DUOXA1: variants seen among roughly 807,000 people sequenced by gnomAD.
DUOXA1 encodes dual oxidase maturation factor 1.
DUOXA1 carries 19 observed loss-of-function variants against 26.6 expected under a neutral mutation model. The ratio of observed to expected loss-of-function variants is 0.71; its 90% CI spans 0.50 to 1.05. The LOEUF is 1.05. DUOXA1 is among the 50% of genes least tolerant of loss of function. The pLI, the probability that DUOXA1 is intolerant of heterozygous loss-of-function variation, is 0.00. For synonymous variants in DUOXA1, 166 were observed against 177.0 expected, an observed-to-expected ratio of 0.94 and a Z score of 0.49; for missense variants, 403 against 427.5, an observed-to-expected ratio of 0.94 and a Z score of 0.51.
intron 3 of DUOXA1, among the ~76,000 whole-genome samples, chr15:45,127,082 T>G (rs1013736126): frequency 6.6e-6 from 1 of 152,010 alleles, no homozygotes; most frequent in African/African-American, 2.4e-5. Flanking sequence ...TAAGAATTCT[T>G]TATTTATGAC....
chr15:45,127,720 T>C (rs1895787272), intron 3 of DUOXA1, among the ~76,000 whole-genome samples: 1 of 152,218 alleles, frequency 6.6e-6, no homozygotes, highest in Non-Finnish European at 1.5e-5. Flanking sequence ...CATCTTTCTT[T>C]CTGGCTCGTC....
At chr15:45,124,332 T>C (rs1318469408) in intron 3 of DUOXA1, among the ~76,000 whole-genome samples, 2 of 152,144 alleles carry the variant, frequency 1.3e-5, no homozygotes, top group Non-Finnish European at 2.9e-5. Flanking sequence ...GAGCATGAAA[T>C]GAGATTGTGT....
intron 5 of DUOXA1, among the ~76,000 whole-genome samples, chr15:45,121,824 G>A (rs768120255): frequency 1.3e-5 from 2 of 152,150 alleles, no homozygotes; most frequent in African/African-American, 4.8e-5. Context: ...GCCTCACGGA[G>A]ACTTTCATCT....
At position 45,119,198 on chromosome 15, in the gene DUOXA1, G is replaced by T. The variant is rs199855983; in HGVS notation, c.940C>A (p.Pro314Thr). The change falls in exon 9 of 9, where the codon CCC (proline) becomes ACC (threonine). Residue 314 changes from proline (P) to threonine (T), a missense_variant. Transcript: ENST00000560572. ...GACAGGGGAATGTCCTGGGACTTGG[G>T]ACTGTCAGCCATGGACCGGTAGCGG... ...SPRYRSMADSPKSQDIPLSEA... is the reference protein window; with the variant it reads ...SPRYRSMADSTKSQDIPLSEA... 1.1e-4 allele frequency: 184 copies of T among 1,613,916 alleles called. No individual in the cohort carries two copies. Among genetic ancestry groups the T allele is most frequent in the Admixed American group, 3.0e-4 (18 of 60,002 alleles).
intron 6 of DUOXA1, 112 bp downstream of exon 6, chr15:45,120,975 A>G: frequency 6.4e-7 from 1 of 1,551,032 alleles, no homozygotes; most frequent in Non-Finnish European, 8.7e-7. Flanking sequence ...CCCACCTCAC[A>G]CATCCTCCCA....
At chr15:45,120,858 C>T (rs976672292) in intron 6 of DUOXA1, 53 bp from the exon 7 acceptor site, 1 of 1,591,970 alleles carries the variant, frequency 6.3e-7, no homozygotes, top group East Asian at 2.2e-5. Flanking sequence ...AGAGTGGGGC[C>T]TAGGTAGGGA....
rs775842073 is a variant in DUOXA1, at chr15:45,118,714, C to T, written c.*392G>A. The stretch of plus-strand genomic sequence containing the variant: ...CAGGAAAAAGGAAAACAAGAGGTGC[C>T]GAGGGATGAGAGGAAACCATAGGAG... On this transcript the variant is annotated 3_prime_UTR_variant, in exon 9 of 9. Transcript: ENST00000560572. The T allele has an allele frequency of 2.5e-4, 250 of 1,000,394 alleles. No individual in the cohort carries two copies. Among genetic ancestry groups the T allele is most frequent in the South Asian group, 9.3e-4 (20 of 21,512 alleles). 62.0% of individuals were successfully genotyped at this position (1,000,394 alleles called of 1,614,324 possible). A position where few individuals can be genotyped will look rare whatever the true frequency, so the allele number is the denominator to read the frequency against.
At chr15:45,119,592 G>A (rs1894952287) in intron 8 of DUOXA1, among the ~76,000 whole-genome samples, 1 of 152,026 alleles carries the variant, frequency 6.6e-6, no homozygotes. Context: ...TCCCGGGAGA[G>A]AGAGAGAGAG....
chr15:45,125,407 C>A (rs145307577), intron 3 of DUOXA1, among the ~76,000 whole-genome samples: 14 of 152,224 alleles, frequency 9.2e-5, no homozygotes, highest in African/African-American at 3.4e-4. Flanking sequence ...AAAAAAAGAA[C>A]CTTCTCCCTT....
At position 45,117,572 on chromosome 15, in the gene DUOXA1, G is replaced by A. The variant is rs755127271; in HGVS notation, c.*1534C>T. On this transcript the variant is annotated 3_prime_UTR_variant, in exon 9 of 9. Transcript: ENST00000560572. ...AAGGGGTAGGCTCCAAAAGATGGAA[G>A]AAGGCCCGGGCATCACGCCTGTAAT... 5 of 1,600,310 alleles carry A rather than the reference G, an allele frequency of 3.1e-6. No individual in the cohort carries two copies. Among genetic ancestry groups the A allele is most frequent in the Admixed American group, 1.7e-5 (1 of 57,902 alleles).
rs781321374 is a variant in DUOXA1 at position 45,122,211 on chromosome 15, C to G, written c.179G>C (p.Ser60Thr). The G allele has an allele frequency of 6.2e-6, 10 of 1,605,270 alleles. No homozygotes were observed. The highest frequency in any genetic ancestry group is 2.2e-5 in the East Asian group (1 of 44,722). ...RLFWLLRVVT[S>T]LFIGAAILAV... ...CAGGATTGCAGCCCCGATGAATAAG[C>G]TGGTCACCACCCGAAGCAGCCAGAA... The change falls in exon 5 of 9, where the codon AGC becomes ACC. Residue 60 changes from serine to threonine, a missense_variant. Ser to Thr is a moderately conservative substitution (Grantham distance 58, BLOSUM62 1). Coordinates refer to ENST00000560572, the MANE Select transcript of DUOXA1 (RefSeq NM_001276266.2).
chr15:45,127,782 A>G (rs530391135), intron 3 of DUOXA1, among the ~76,000 whole-genome samples: 64 of 152,288 alleles, frequency 4.2e-4, no homozygotes, highest in African/African-American at 1.5e-3. Context: ...TCTCATATCA[A>G]TATTAACTTG....
At chr15:45,122,688 C>G (rs1337034755) in intron 4 of DUOXA1, among the ~76,000 whole-genome samples, 180 bp downstream of exon 4, 3 of 152,176 alleles carry the variant, frequency 2.0e-5, no homozygotes, top group Admixed American at 6.5e-5. Flanking sequence ...CCATGCCCCA[C>G]CAGCGCTCAA....
rs1894753091 is a variant in DUOXA1, at chr15:45,117,733, C to G, written c.*1373G>C. On this transcript the variant is annotated 3_prime_UTR_variant, in exon 9 of 9. Transcript: ENST00000560572. ...CGCCACAGGCGTCCTGTGCCTCTTC[C>G]TCGGAGGGGCCGTGGTGAGTCTCCA... 1 of 1,612,910 alleles carries G rather than the reference C, an allele frequency of 6.2e-7. No homozygotes were observed. Among genetic ancestry groups the G allele is most frequent in the Non-Finnish European group, 8.5e-7 (1 of 1,179,140 alleles).
intron 7 of DUOXA1, 43 bp downstream of exon 7, chr15:45,120,549 C>T: frequency 6.2e-7 from 1 of 1,600,984 alleles, no homozygotes; most frequent in East Asian, 2.2e-5. Flanking sequence ...GTTCCTGAAT[C>T]TAGGCTACCA....
Position 45,119,034 on chromosome 15 carries a change from G to C in DUOXA1, c.*72C>G, listed in dbSNP as rs537172649. 1.3e-6 allele frequency: 2 copies of C among 1,514,310 alleles called. No homozygotes were observed. The highest frequency in any genetic ancestry group is 2.1e-5 in the Admixed American group (1 of 46,778). The allele number at this position is 1,514,310 out of a possible 1,614,324, so 93.8% of individuals were successfully genotyped here. ...TAACAGCCACCCTGAGGGCAGTTCT[G>C]CTGGTTTTATGGGGCGCCAATGAGG... On this transcript the variant is annotated 3_prime_UTR_variant, in exon 9 of 9. Coordinates refer to ENST00000560572, the MANE Select transcript of DUOXA1 (RefSeq NM_001276266.2).
At position 45,118,031 on chromosome 15, in the gene DUOXA1, G is replaced by A. The variant is rs763914429; in HGVS notation, c.*1075C>T. 2.5e-6 allele frequency: 4 copies of A among 1,598,312 alleles called. No individual in the cohort carries two copies. The highest frequency in any genetic ancestry group is 1.1e-5 in the South Asian group (1 of 90,456). ...CTGAGCGCTGCTGGCGCGAGGCCTC[G>A]GACATCCGCAGGCACCAGGGAAAGT... On this transcript the variant is annotated 3_prime_UTR_variant, in exon 9 of 9. Transcript: ENST00000560572.
At position 45,118,200 on chromosome 15, in the gene DUOXA1, G is replaced by T; in HGVS notation, c.*906C>A. 1 of 1,424,530 alleles carries T rather than the reference G, an allele frequency of 7.0e-7. No individual in the cohort carries two copies. Among genetic ancestry groups the T allele is most frequent in the African/African-American group, 1.4e-5 (1 of 69,640 alleles). The allele number at this position is 1,424,530 out of a possible 1,614,324, so 88.2% of individuals were successfully genotyped here. On this transcript the variant is annotated 3_prime_UTR_variant, in exon 9 of 9. Transcript: ENST00000560572. ...CTGGAGACAGCCTAGTACACTCTCC[G>T]CAGTGCTGTGAAACCTGATTCTCTG...
At chr15:45,120,432 T>C (rs1895070760) in intron 7 of DUOXA1, 112 bp from the exon 8 acceptor site, 1 of 1,469,504 alleles carries the variant, frequency 6.8e-7, no homozygotes, top group Non-Finnish European at 9.5e-7. Context: ...AGATATGAGG[T>C]AGGGATTCCT....
Sources: gnomAD v4.1 joint callset for allele counts (sites outside exome capture counted in the v4.1 genomes callset) on GRCh38, gnomAD v4.1.1 for gene constraint, MANE v1.5 for transcripts, NCBI Gene and HGNC (gene_info 2026-07-23, HGNC 2026-07-21) for gene names.